The following KRTCAP3 variants were observed in gnomAD, a reference collection of about 807,000 sequenced individuals.
KRTCAP3 encodes the protein keratinocyte associated protein 3.
KRTCAP3 carries 18 observed loss-of-function variants against 20.5 expected under a neutral mutation model. The ratio of observed to expected loss-of-function variants is 0.88; its 90% CI spans 0.61 to 1.31. The LOEUF is 1.31. KRTCAP3 is among the 50% of genes most tolerant of loss of function. KRTCAP3 has a pLI of 0.00. For missense variants in KRTCAP3, 347 were observed against 310.4 expected (o/e 1.12, Z -0.89); for synonymous variants, 167 against 133.7 (o/e 1.25, Z -1.72).
At chr2:27,445,217 G>T, downstream of KRTCAP3, 1 of 1,579,260 alleles carries the variant, frequency 6.3e-7, no homozygotes, top group Non-Finnish European at 8.6e-7. This position sits in a 1 kb window ranked among gnomAD's most constrained non-coding sequence, Gnocchi z 4.4. Flanking sequence ...ACCCTTTACT[G>T]AATCCTAGTA....
Position 27,442,629 on chromosome 2 carries a change from T to A in KRTCAP3, c.79T>A (p.Leu27Met). Residue 27 changes from leucine (L) to methionine (M), a missense_variant, in exon 2 of 7, where the codon TTG becomes ATG. Leu to Met is a conservative substitution (Grantham distance 15, BLOSUM62 2). Transcript: ENST00000288873. ...GATGCGTGTGGGCCTCGCGCTGATC[T>A]TGGTGGGCCACGTGAACCTGCTGCT... ...RLMRVGLALI[L>M]VGHVNLLLGA... The A allele has an allele frequency of 6.4e-7, 1 of 1,572,098 alleles. No homozygotes were observed.
rs1243436119 is a variant in KRTCAP3 at position 27,444,048 on chromosome 2, T to C, written c.715T>C (p.Trp239Arg). 5 of 1,609,194 alleles carry C rather than the reference T, an allele frequency of 3.1e-6. No individual in the cohort carries two copies. Among genetic ancestry groups the C allele is most frequent in the Admixed American group, 1.7e-5 (1 of 59,996 alleles). ...AGAAATCCGGGCATCACAGAGAAGT[T>C]GGGTTTAGGACAGGTAATGGGCCTT... ...NQEIRASQRS[W>R]V is the part of the protein sequence containing the mutation. The change falls in exon 6 of 7, where the codon TGG becomes CGG. Residue 239 changes from tryptophan (W) to arginine (R), a missense_variant. Transcript: ENST00000288873.
downstream of KRTCAP3, chr2:27,445,107 T>A: frequency 6.2e-7 from 1 of 1,613,900 alleles, no homozygotes; most frequent in Non-Finnish European, 8.5e-7. This position sits in a 1 kb window ranked among gnomAD's most constrained non-coding sequence, Gnocchi z 4.4. Context: ...TGGGGTATCC[T>A]GTGGAGGAAG....
chr2:27,442,477 T>C, intron 1 of KRTCAP3, 37 bp downstream of exon 1: 1 of 1,558,672 alleles, frequency 6.4e-7, no homozygotes, highest in Admixed American at 1.9e-5. Flanking sequence ...CTCCTTACCC[T>C]GGGGCTACCC....
At chr2:27,445,601 CT>C, downstream of KRTCAP3, 1 of 1,300,010 alleles carries the variant, frequency 7.7e-7, no homozygotes, top group Non-Finnish European at 1.1e-6. This position sits in a 1 kb window ranked among gnomAD's most constrained non-coding sequence, Gnocchi z 4.4. Context: ...CAGTCACAGC[CT>C]TTTCTTTCTA....
At chr2:27,445,949 G>C, downstream of KRTCAP3, 1 of 1,614,224 alleles carries the variant, frequency 6.2e-7, no homozygotes, top group Non-Finnish European at 8.5e-7. The surrounding 1 kb of genome is among the most constrained non-coding windows in gnomAD (Gnocchi z 4.4). Context: ...TCCAAAAAGC[G>C]ATTGAGGAAG....
In KRTCAP3 at chr2:27,442,428, C is replaced by T; in HGVS notation, c.16C>T (p.Leu6Phe). Residue 6 changes from leucine to phenylalanine, a missense_variant, in exon 1 of 7, where the codon CTC becomes TTC. Transcript: ENST00000288873. MRRCS[L>F]CAFDAARGPR... ...GGCGGACGGGATGAGGCGCTGCAGT[C>T]TCTGCGCTTTCGGTAACTTCCGGGC... 6.4e-7 allele frequency: 1 copy of T among 1,568,986 alleles called. No homozygotes were observed. Among genetic ancestry groups the T allele is most frequent in the East Asian group, 2.4e-5 (1 of 42,184 alleles).
In KRTCAP3 at chr2:27,443,258, C is replaced by T. The variant is rs1384405713; in HGVS notation, c.458C>T (p.Pro153Leu). ...GAGGGGCCGGGACATACTGACTGCC[C>T]CTTTGACCCCACAAGAATCTATGTG... Reference protein sequence around the residue: ...LDEGPGHTDCPFDPTRIYDTA... With the variant: ...LDEGPGHTDCLFDPTRIYDTA... Residue 153 changes from proline (P) to leucine (L), a missense_variant, in exon 4 of 7, where the codon CCC becomes CTC. Pro to Leu is a moderately conservative substitution (Grantham distance 98, BLOSUM62 -3). Coordinates refer to ENST00000288873, the MANE Select transcript of KRTCAP3 (RefSeq NM_173853.4). The T allele has an allele frequency of 3.1e-6, 5 of 1,614,150 alleles. No individual in the cohort carries two copies. The highest frequency in any genetic ancestry group is 2.2e-5 in the East Asian group (1 of 44,880).
downstream of KRTCAP3, chr2:27,445,997 A>C (rs1487163955): frequency 1.9e-6 from 3 of 1,614,240 alleles, no homozygotes; most frequent in Non-Finnish European, 2.5e-6. This position sits in a 1 kb window ranked among gnomAD's most constrained non-coding sequence, Gnocchi z 4.4. Flanking sequence ...GCCTGCAGCA[A>C]AGAAGAGTTG....
downstream of KRTCAP3, chr2:27,445,593 G>T (rs1438679180): frequency 1.6e-6 from 2 of 1,289,504 alleles, no homozygotes; most frequent in Non-Finnish European, 2.1e-6. The surrounding 1 kb of genome is among the most constrained non-coding windows in gnomAD (Gnocchi z 4.4). Flanking sequence ...GGGGGATGCA[G>T]TCACAGCCTT....
Position 27,442,418 on chromosome 2 carries a change from G to A in KRTCAP3, c.6G>A (p.Arg2=), listed in dbSNP as rs751462666. The change falls in exon 1 of 7, where the codon AGG becomes AGA. Residue 2 remains arginine, a synonymous_variant. Coordinates refer to ENST00000288873, the MANE Select transcript of KRTCAP3 (RefSeq NM_173853.4). M[R]RCSLCAFDAA... ...CGGCTGGCGCGGCGGACGGGATGAG[G>A]CGCTGCAGTCTCTGCGCTTTCGGTA... The A allele has an allele frequency of 1.3e-6, 2 of 1,563,732 alleles. No individual in the cohort carries two copies. Among genetic ancestry groups the A allele is most frequent in the Non-Finnish European group, 1.7e-6 (2 of 1,155,062 alleles).
downstream of KRTCAP3, chr2:27,445,805 A>G (rs1444003107): frequency 1.9e-6 from 3 of 1,614,192 alleles, no homozygotes; most frequent in South Asian, 3.3e-5. This position sits in a 1 kb window ranked among gnomAD's most constrained non-coding sequence, Gnocchi z 4.4. Flanking sequence ...CCTGAAAATC[A>G]GAGTGGTCAA....
downstream of KRTCAP3, chr2:27,445,256 C>T (rs1219153566): frequency 1.3e-6 from 2 of 1,594,314 alleles, no homozygotes; most frequent in Admixed American, 3.5e-5. The surrounding 1 kb of genome is among the most constrained non-coding windows in gnomAD (Gnocchi z 4.4). Flanking sequence ...CTGCTGCTTT[C>T]TACCCACCAC....
intron 3 of KRTCAP3, 53 bp downstream of exon 3, chr2:27,442,954 G>T: frequency 6.3e-7 from 1 of 1,594,198 alleles, no homozygotes. Flanking sequence ...TCAGGGAAAT[G>T]GGGGCTGACT....
chr2:27,445,532 C>CTAAG, downstream of KRTCAP3: 1 of 1,468,062 alleles, frequency 6.8e-7, no homozygotes. The surrounding 1 kb of genome is among the most constrained non-coding windows in gnomAD (Gnocchi z 4.4). Context: ...AGGGGGTTTG[C>CTAAG]TAAGCCCTCA....
chr2:27,444,862 T>C (rs1469160993), downstream of KRTCAP3: 3 of 784,556 alleles, frequency 3.8e-6, no homozygotes, highest in Non-Finnish European at 6.0e-6. Flanking sequence ...TTGGCCAGGC[T>C]GGTCTCAAAC....
At position 27,444,252 on chromosome 2, in the gene KRTCAP3, G is replaced by C; in HGVS notation, c.*72G>C. 1.6e-6 allele frequency: 1 copy of C among 644,210 alleles called. No homozygotes were observed. The highest frequency in any genetic ancestry group is 2.7e-5 in the East Asian group (1 of 36,838). The allele number at this position is 644,210 out of a possible 1,614,324, so 39.9% of individuals were successfully genotyped here. A position where few individuals can be genotyped will look rare whatever the true frequency, so the allele number is the denominator to read the frequency against. Reference sequence around the variant, plus strand: ...CCACTAAGCAAGGGGCCCTGACCTCGGGATGAGATAACAAATTGTAATAAA... The same window carrying C: ...CCACTAAGCAAGGGGCCCTGACCTCCGGATGAGATAACAAATTGTAATAAA... On this transcript the variant is annotated 3_prime_UTR_variant, in exon 7 of 7. Coordinates refer to ENST00000288873, the MANE Select transcript of KRTCAP3 (RefSeq NM_173853.4).
rs575194923 is a variant in KRTCAP3 at position 27,442,563 on chromosome 2, C to G, written c.29-16C>G. Reference sequence around the variant, plus strand: ...TCCCCGCCCGACTCAACCCTGCCCTCCCCCGTGCTTTGCAGACGCCGCCCG... The same window carrying G: ...TCCCCGCCCGACTCAACCCTGCCCTGCCCCGTGCTTTGCAGACGCCGCCCG... On this transcript the variant is annotated splice_polypyrimidine_tract_variant and intron_variant, in intron 1 of 6. Transcript: ENST00000288873. 2.6e-6 allele frequency: 4 copies of G among 1,526,462 alleles called. No homozygotes were observed. Among genetic ancestry groups the G allele is most frequent in the Non-Finnish European group, 3.5e-6 (4 of 1,136,342 alleles). 94.6% of individuals were successfully genotyped at this position (1,526,462 alleles called of 1,614,324 possible). A position where few individuals can be genotyped will look rare whatever the true frequency, so the allele number is the denominator to read the frequency against.
chr2:27,443,227 C>T lies in KRTCAP3; in HGVS notation c.427C>T (p.Leu143=). 6.2e-7 allele frequency: 1 copy of T among 1,614,168 alleles called. No individual in the cohort carries two copies. The highest frequency in any genetic ancestry group is 8.5e-7 in the Non-Finnish European group (1 of 1,180,004). The change falls in exon 4 of 7, where the codon CTG becomes TTG. Residue 143 remains leucine (L), a synonymous_variant. Coordinates refer to ENST00000288873, the MANE Select transcript of KRTCAP3 (RefSeq NM_173853.4). Reference sequence around the variant, plus strand: ...AGGACTGCTGGATCCTCTGGTACCACTGGATGAGGGGCCGGGACATACTGA... The same window carrying T: ...AGGACTGCTGGATCCTCTGGTACCATTGGATGAGGGGCCGGGACATACTGA... The part of the protein sequence containing the change: ...HPGLLDPLVP[L]DEGPGHTDCP...
Sources: allele counts gnomAD v4.1 joint callset, GRCh38; gene constraint gnomAD v4.1.1; non-coding constraint Gnocchi (gnomAD v3.1); transcripts MANE v1.5; gene names NCBI Gene and HGNC (gene_info 2026-07-23, HGNC 2026-07-21).